Variants in CDK5RAP3 observed in about 807,000 individuals in gnomAD.
The protein encoded by CDK5RAP3 is CDK5 regulatory subunit-associated protein 3.
In CDK5RAP3, 58 loss-of-function variants were observed where a neutral mutation model predicts 73.3. That is an observed-to-expected ratio of 0.79 (90% CI 0.64 to 0.98). The LOEUF is 0.98. Among genes scored for constraint, CDK5RAP3 ranks in the 50% least tolerant of loss-of-function variants. CDK5RAP3 has a pLI of 0.00. For synonymous variants in CDK5RAP3, 224 were observed against 247.5 expected (o/e 0.91, Z 0.89); for missense variants, 525 against 615.8 (o/e 0.85, Z 1.56).
chr17:47,980,468 C>T (rs963009354), intron 11 of CDK5RAP3, 125 bp from the exon 12 acceptor site: 13 of 806,174 alleles, frequency 1.6e-5, no homozygotes, highest in Admixed American at 9.1e-5. Context: ...AGGGTCTCAT[C>T]GTTTCCCAGG....
At chr17:47,971,052 T>G (rs2036246931), upstream of CDK5RAP3, 1 of 1,547,730 alleles carries the variant, frequency 6.5e-7, no homozygotes, top group Admixed American at 2.0e-5. Flanking sequence ...GGATGCCCGT[T>G]TGTGTCTAAA....
rs2036398709 is a variant in CDK5RAP3 at position 47,975,920 on chromosome 17, C to T, written c.705C>T (p.Asn235=). The T allele has an allele frequency of 2.5e-6, 4 of 1,614,188 alleles. No individual in the cohort carries two copies. The highest frequency in any genetic ancestry group is 2.5e-6 in the Non-Finnish European group (3 of 1,180,030). ...TGCGGTTCGTGCAGAAGCGGGGAAA[C>T]TCAACGGTGTACGAGTGGAGGACAG... The part of the protein sequence containing the change: ...PMLRFVQKRG[N]STVYEWRTGT... The change falls in exon 8 of 14, where the codon AAC becomes AAT. Residue 235 remains asparagine, a synonymous_variant. Coordinates refer to ENST00000338399, the MANE Select transcript of CDK5RAP3 (RefSeq NM_176096.3).
At chr17:47,974,688 G>GGT (rs149052949) in intron 5 of CDK5RAP3, 8 of 1,356,590 alleles carry the variant, frequency 5.9e-6, no homozygotes, top group South Asian at 1.5e-5. Context: ...TCAGCGAGCA[G>GGT]GTGTGTGTGG....
intron 9 of CDK5RAP3, 85 bp from the exon 10 acceptor site, chr17:47,977,747 C>T (rs2036449501): frequency 9.0e-7 from 1 of 1,116,724 alleles, no homozygotes; most frequent in African/African-American, 1.5e-5. Context: ...CAGCCATTGA[C>T]CTCATCAAGG....
rs1339690132 is a variant in CDK5RAP3 at position 47,981,778 on chromosome 17, A to G, written c.*276A>G. On this transcript the variant is annotated 3_prime_UTR_variant, in exon 14 of 14. Coordinates refer to ENST00000338399, the MANE Select transcript of CDK5RAP3 (RefSeq NM_176096.3). Reference sequence around the variant, plus strand: ...TAAAAGAGGAAAAAACTCTTGCTTCAGTACTGACAGTTCCTTATGCTGCTT... The same window carrying G: ...TAAAAGAGGAAAAAACTCTTGCTTCGGTACTGACAGTTCCTTATGCTGCTT... 1.4e-6 allele frequency: 2 copies of G among 1,398,684 alleles called. No homozygotes were observed. Among genetic ancestry groups the G allele is most frequent in the South Asian group, 1.2e-5 (1 of 81,514 alleles). 86.6% of individuals were successfully genotyped at this position (1,398,684 alleles called of 1,614,324 possible). A position where few individuals can be genotyped will look rare whatever the true frequency, so the allele number is the denominator to read the frequency against.
intron 10 of CDK5RAP3, chr17:47,978,564 C>T (rs918170596): frequency 2.2e-6 from 1 of 459,980 alleles, no homozygotes; most frequent in Non-Finnish European, 3.9e-6. Context: ...ACTTTACCTC[C>T]TGCGGTCCAC....
At position 47,981,488 on chromosome 17, in the gene CDK5RAP3, G is replaced by A. The variant is rs1488205794; in HGVS notation, c.1507G>A (p.Gly503Arg). The change falls in exon 14 of 14, where the codon GGA becomes AGA. Residue 503 changes from glycine (G) to arginine (R), a missense_variant. Gly to Arg is a moderately radical substitution (Grantham distance 125, BLOSUM62 -2). This residue lies in a region of CDK5RAP3 where 116 missense variants were observed against 186.1 expected (regional missense o/e 0.62). Transcript: ENST00000338399. ...CAGCGGGCGCCCTGTGAACCTGATG[G>A]GAACCTCTCTGTGACACCCTCCGTG... ...RYSGRPVNLM[G>R]TSL 3.7e-6 allele frequency: 6 copies of A among 1,614,104 alleles called. No individual in the cohort carries two copies. The highest frequency in any genetic ancestry group is 4.2e-6 in the Non-Finnish European group (5 of 1,180,062).
chr17:47,980,497 C>G (rs2036525398), intron 11 of CDK5RAP3, 96 bp from the exon 12 acceptor site: 1 of 1,084,512 alleles, frequency 9.2e-7, no homozygotes. Context: ...GAACTCCTGG[C>G]CTCAAGCGAT....
At chr17:47,981,380 G>A in intron 13 of CDK5RAP3, 46 bp downstream of exon 13, 1 of 1,614,198 alleles carries the variant, frequency 6.2e-7, no homozygotes, top group Non-Finnish European at 8.5e-7. Context: ...CTCCCAGTCT[G>A]TGCAAAATGA....
chr17:47,980,902 G>A, intron 12 of CDK5RAP3, 104 bp downstream of exon 12: 5 of 1,227,146 alleles, frequency 4.1e-6, no homozygotes, highest in Non-Finnish European at 4.7e-6. Context: ...CCTGCCTCCT[G>A]GCCATTGCCA....
intron 5 of CDK5RAP3, 107 bp downstream of exon 5, chr17:47,974,555 G>A: frequency 6.3e-7 from 1 of 1,586,918 alleles, no homozygotes; most frequent in Non-Finnish European, 8.6e-7. Context: ...GGAAGAGACT[G>A]GAGTGTAGAT....
At chr17:47,975,404 G>A (rs953949268) in intron 6 of CDK5RAP3, 67 bp downstream of exon 6, 30 of 1,604,632 alleles carry the variant, frequency 1.9e-5, no homozygotes, top group African/African-American at 2.7e-5. Flanking sequence ...CTCTGACCCC[G>A]TCTGACCCCT....
chr17:47,978,493 C>T (rs538848769), intron 10 of CDK5RAP3: 32 of 281,626 alleles, frequency 1.1e-4, no homozygotes, highest in Admixed American at 5.3e-4. Flanking sequence ...ACATGACCCC[C>T]GCCCCAACAG....
intron 2 of CDK5RAP3, 124 bp from the exon 3 acceptor site, chr17:47,973,395 A>T: frequency 9.4e-7 from 1 of 1,064,014 alleles, no homozygotes; most frequent in East Asian, 2.7e-5. Context: ...TCTTCCCATG[A>T]CCCCCATACT....
rs769934141 is a variant in CDK5RAP3 at position 47,981,508 on chromosome 17, T to A, written c.*6T>A. 1 of 1,614,224 alleles carries A rather than the reference T, an allele frequency of 6.2e-7. No individual in the cohort carries two copies. The highest frequency in any genetic ancestry group is 8.5e-7 in the Non-Finnish European group (1 of 1,180,040). ...TGATGGGAACCTCTCTGTGACACCC[T>A]CCGTGTTCTTGCCTGCCCATCTTCT... On this transcript the variant is annotated 3_prime_UTR_variant, in exon 14 of 14. Coordinates refer to ENST00000338399, the MANE Select transcript of CDK5RAP3 (RefSeq NM_176096.3).
At position 47,973,897 on chromosome 17, in the gene CDK5RAP3, T is replaced by C. The variant is rs758869370; in HGVS notation, c.185-34T>C. On this transcript the variant is annotated intron_variant, in intron 3 of 13. Coordinates refer to ENST00000338399, the MANE Select transcript of CDK5RAP3 (RefSeq NM_176096.3). ...TGCCCAGAGTAGGTGAAGAAGATAC[T>C]TTAGTTCTCGAAATCCCGTCTCTTG... The C allele has an allele frequency of 5.9e-6, 9 of 1,531,964 alleles. No homozygotes were observed. The South Asian group carries it at 1.0e-4, about 17-fold the overall frequency. The allele number at this position is 1,531,964 out of a possible 1,614,324, so 94.9% of individuals were successfully genotyped here. A position where few individuals can be genotyped will look rare whatever the true frequency, so the allele number is the denominator to read the frequency against.
At chr17:47,980,897 C>A in intron 12 of CDK5RAP3, 99 bp downstream of exon 12, 1 of 1,278,926 alleles carries the variant, frequency 7.8e-7, no homozygotes, top group Non-Finnish European at 1.1e-6. Flanking sequence ...CCATCCCTGC[C>A]TCCTGGCCAT....
intron 10 of CDK5RAP3, 111 bp downstream of exon 10, chr17:47,978,021 G>T: frequency 1.4e-6 from 1 of 706,702 alleles, no homozygotes; most frequent in Non-Finnish European, 2.4e-6. Context: ...ACATTTAACT[G>T]TTTCTCAAAA....
In CDK5RAP3 at chr17:47,981,574, G is replaced by A. The variant is rs752130359; in HGVS notation, c.*72G>A. ...AGATGATAGCCAGGGCTGTTGTTTT[G>A]GGGCCCTTCAAGGCAAAAGACCAGG... On this transcript the variant is annotated 3_prime_UTR_variant, in exon 14 of 14. Transcript: ENST00000338399. 1 of 1,613,268 alleles carries A rather than the reference G, an allele frequency of 6.2e-7. No individual in the cohort carries two copies. The highest frequency in any genetic ancestry group is 1.1e-5 in the South Asian group (1 of 90,946).
Sources: gnomAD v4.1 joint callset for allele counts on GRCh38, gnomAD v4.1.1 for gene constraint, gnomAD v4.1.1 regional missense constraint, MANE v1.5 for transcripts, NCBI Gene and HGNC (gene_info 2026-07-23, HGNC 2026-07-21) for gene names.